Variants in COPB2 observed in about 807,000 individuals in gnomAD.
The protein encoded by COPB2 is coatomer subunit beta'.
A neutral mutation model predicts 120.8 loss-of-function variants in COPB2; 16 were observed. That is an observed-to-expected ratio of 0.13 (90% CI 0.09 to 0.20). COPB2 has a LOEUF of 0.20. Ranked by LOEUF, COPB2 falls within the 10% of genes least tolerant of loss-of-function variation. The pLI is 1.00. For synonymous variants in COPB2, 332 were observed against 366.3 expected, an observed-to-expected ratio of 0.91 and a Z score of 1.07; for missense variants, 794 against 1,076.5, an observed-to-expected ratio of 0.74 and a Z score of 3.67.
At chr3:139,386,370 C>G (rs1333671737) in intron 1 of COPB2, among the ~76,000 whole-genome samples, 1 of 152,072 alleles carries the variant, frequency 6.6e-6, no homozygotes, top group South Asian at 2.1e-4. Flanking sequence ...GATTCTGCCT[C>G]AGCCTCCCGA....
chr3:139,379,505 G>A, intron 2 of COPB2, 39 bp from the exon 3 acceptor site: 2 of 1,531,940 alleles, frequency 1.3e-6, no homozygotes, highest in Non-Finnish European at 1.8e-6. Context: ...TGAGCTATAA[G>A]AAAATAACCA....
At chr3:139,359,537 GAGGGATAAGACA>G (rs1663905685) in intron 17 of COPB2, among the ~76,000 whole-genome samples, 175 bp from the exon 18 acceptor site, 1 of 152,174 alleles carries the variant, frequency 6.6e-6, no homozygotes, top group Non-Finnish European at 1.5e-5. Context: ...GCAAGGGTAT[GAGGGATAAGACA>G]GCTTTCCTGA....
intron 19 of COPB2, 57 bp downstream of exon 19, chr3:139,358,941 G>A (rs1192013548): frequency 1.1e-5 from 18 of 1,585,064 alleles, no homozygotes; most frequent in Non-Finnish European, 1.6e-5. Flanking sequence ...CTGAAGTCCT[G>A]AATGTACTTC....
rs1162650765 is a variant in COPB2 at position 139,362,510 on chromosome 3, T to C, written c.1892A>G (p.Lys631Arg). 1.2e-6 allele frequency: 2 copies of C among 1,603,466 alleles called. No individual in the cohort carries two copies. The highest frequency in any genetic ancestry group is 1.7e-6 in the Non-Finnish European group (2 of 1,176,090). The change falls in exon 16 of 22, where the codon AAG becomes AGG. Residue 631 changes from lysine to arginine, a missense_variant. Lys to Arg is a conservative substitution (Grantham distance 26). This residue lies in a region of COPB2 where 610 missense variants were observed against 866.7 expected (regional missense o/e 0.70). Coordinates refer to ENST00000333188, the MANE Select transcript of COPB2 (RefSeq NM_004766.3). Reference sequence around the variant, plus strand: ...TGTGGATACTGTAAGAGCTTGCTGCTTGAAGCCCTAAACAGATTTTTAAAA... The same window carrying C: ...TGTGGATACTGTAAGAGCTTGCTGCCTGAAGCCCTAAACAGATTTTTAAAA... ...VAHFLEKQGFKQQALTVSTDP... is the reference protein window; with the variant it reads ...VAHFLEKQGFRQQALTVSTDP...
intron 15 of COPB2, 118 bp downstream of exon 15, chr3:139,366,450 A>G (rs1941516835): frequency 1.1e-6 from 1 of 917,050 alleles, no homozygotes; most frequent in African/African-American, 1.7e-5. Context: ...CACAGGAGAA[A>G]TTCTATTGCC....
intron 15 of COPB2, among the ~76,000 whole-genome samples, chr3:139,365,784 G>A (rs1038867315): frequency 2.6e-5 from 4 of 152,106 alleles, no homozygotes; most frequent in African/African-American, 9.7e-5. Flanking sequence ...TTATAAACTA[G>A]GGAAAACAAA....
In COPB2 at chr3:139,358,186, G is replaced by C. The variant is rs747065451; in HGVS notation, c.2625+14C>G. 1 of 1,611,426 alleles carries C rather than the reference G, an allele frequency of 6.2e-7. No homozygotes were observed. Among genetic ancestry groups the C allele is most frequent in the South Asian group, 1.1e-5 (1 of 91,016 alleles). ...ATGGGGTAGAGGGAGGTTTGAGTAT[G>C]ATGTCTGACCTACCTTTTCTTCTTT... On this transcript the variant is annotated intron_variant, in intron 21 of 21. Coordinates refer to ENST00000333188, the MANE Select transcript of COPB2 (RefSeq NM_004766.3).
Position 139,357,800 on chromosome 3 carries a change from G to T in COPB2, c.*63C>A. 1.2e-6 allele frequency: 1 copy of T among 850,350 alleles called. No individual in the cohort carries two copies. The allele number at this position is 850,350 out of a possible 1,614,324, so 52.7% of individuals were successfully genotyped here. A position where few individuals can be genotyped will look rare whatever the true frequency, so the allele number is the denominator to read the frequency against. On this transcript the variant is annotated 3_prime_UTR_variant, in exon 22 of 22. Transcript: ENST00000333188. ...CATAGTCCAAAGCACTGTGGTCAGG[G>T]TAGCAATCAATACCTATATATAATA...
rs747994042 is a variant in COPB2, at chr3:139,383,349, C to T, written c.90G>A (p.Met30Ile). Residue 30 changes from methionine (M) to isoleucine (I), a missense_variant, in exon 2 of 22, where the codon ATG (methionine) becomes ATA (isoleucine). Coordinates refer to ENST00000333188, the MANE Select transcript of COPB2 (RefSeq NM_004766.3). Reference protein sequence around the residue: ...SVDLHPTEPWMLASLYNGSVC... With the variant: ...SVDLHPTEPWILASLYNGSVC... ...CACTGCCATTGTAAAGACTTGCCAA[C>T]ATCCATGGCTCTGTAGGATGCAGAT... is the stretch of plus-strand genomic sequence containing the variant. 1 of 1,613,262 alleles carries T rather than the reference C, an allele frequency of 6.2e-7. No individual in the cohort carries two copies. Among genetic ancestry groups the T allele is most frequent in the Non-Finnish European group, 8.5e-7 (1 of 1,179,704 alleles).
intron 5 of COPB2, among the ~76,000 whole-genome samples, chr3:139,377,417 A>G (rs1941732926): frequency 6.6e-6 from 1 of 152,232 alleles, no homozygotes; most frequent in South Asian, 2.1e-4. Flanking sequence ...CAAAATAGGA[A>G]AATAAAGAGA....
intron 15 of COPB2, among the ~76,000 whole-genome samples, chr3:139,364,869 C>G (rs1941487307): frequency 6.6e-6 from 1 of 152,120 alleles, no homozygotes; most frequent in African/African-American, 2.4e-5. Flanking sequence ...AGGAAAATCA[C>G]TAACAGCAAA....
At chr3:139,377,939 A>G in intron 5 of COPB2, 102 bp downstream of exon 5, 3 of 1,186,492 alleles carry the variant, frequency 2.5e-6, no homozygotes, top group Non-Finnish European at 3.3e-6. Flanking sequence ...TTTTGAGGAA[A>G]ATTTTTAAGA....
chr3:139,371,614 G>GT, intron 10 of COPB2, 109 bp downstream of exon 10: 1 of 910,726 alleles, frequency 1.1e-6, no homozygotes, highest in African/African-American at 1.6e-5. Context: ...GGTGAGAACT[G>GT]TTTTTTAACA....
intron 11 of COPB2, 43 bp from the exon 12 acceptor site, chr3:139,369,410 C>A: frequency 6.2e-7 from 1 of 1,603,918 alleles, no homozygotes; most frequent in Non-Finnish European, 8.5e-7. Flanking sequence ...CATTTTTGAG[C>A]CATTACAAAG....
rs182857220 is a variant in COPB2 at position 139,387,030 on chromosome 3, C to A, written c.3+2518G>T. 9.2e-5 allele frequency among the ~76,000 whole-genome samples: 13 copies of A among 141,048 alleles called. No homozygotes were observed. In the East Asian group the frequency reaches 2.6e-3, roughly 28 times the overall value. 92.5% of individuals were successfully genotyped at this position (141,048 alleles called of 152,430 possible). ...CCTGGCCAACATGGTGAAACCCCGT[C>A]TCTACTAAAAATACAAAAAAAAAAA... On this transcript the variant is annotated intron_variant, in intron 1 of 21. Transcript: ENST00000333188.
At chr3:139,373,912 ACTT>A in intron 7 of COPB2, 104 bp from the exon 8 acceptor site, 1 of 1,374,844 alleles carries the variant, frequency 7.3e-7, no homozygotes, top group Non-Finnish European at 9.8e-7. Flanking sequence ...AACAGATAAC[ACTT>A]CCTGGCAGCT....
intron 21 of COPB2, 100 bp from the exon 22 acceptor site, chr3:139,358,058 T>C: frequency 9.7e-7 from 1 of 1,033,038 alleles, no homozygotes; most frequent in Non-Finnish European, 1.4e-6. Context: ...ATTTTCTTAA[T>C]AGTCAAAAAG....
rs116209044 is a variant in COPB2 at position 139,374,021 on chromosome 3, G to A, written c.752-213C>T. ...ATAAGAAACAAAAACTAAGAATTAC[G>A]ATTTTAAACATGAAATAATAACAGG... On this transcript the variant is annotated intron_variant, in intron 7 of 21. Transcript: ENST00000333188. Among the ~76,000 whole-genome samples, 1,325 of 152,186 alleles carry A rather than the reference G, an allele frequency of 8.7e-3. 9 individuals carry two copies. The highest frequency in any genetic ancestry group is 0.013 in the Non-Finnish European group (865 of 67,996).
chr3:139,372,461 G>A (rs1025701128), intron 9 of COPB2, among the ~76,000 whole-genome samples: 5 of 152,114 alleles, frequency 3.3e-5, no homozygotes, highest in African/African-American at 1.2e-4. Context: ...ACTGCCAAAG[G>A]CAAAACTTAC....
Sources: gnomAD v4.1 joint callset for allele counts (sites outside exome capture counted in the v4.1 genomes callset) on GRCh38, gnomAD v4.1.1 for gene constraint, gnomAD v4.1.1 regional missense constraint, MANE v1.5 for transcripts, NCBI Gene and HGNC (gene_info 2026-07-23, HGNC 2026-07-21) for gene names.